Variants in RRP8 observed in about 807,000 individuals in gnomAD.
RRP8 encodes ribosomal RNA processing 8.
Under a neutral mutation model 45.0 loss-of-function variants are expected in RRP8, and 48 were observed. That is an observed-to-expected ratio of 1.07 (90% CI 0.85 to 1.36). The LOEUF (loss-of-function observed/expected upper bound fraction) is 1.36, where lower values mean the gene tolerates loss of function less well. Ranked by LOEUF, RRP8 falls within the 40% of genes most tolerant of loss-of-function variation. The probability of loss-of-function intolerance (pLI) is 0.00; values close to 1 mark genes in which losing one functional copy is unlikely to be tolerated. For missense variants in RRP8, 658 were observed against 573.7 expected (o/e 1.15, Z -1.50); for synonymous variants, 274 against 212.4 (o/e 1.29, Z -2.52).
chr11:6,600,886 G>A, intron 4 of RRP8, 40 bp downstream of exon 4: 1 of 1,613,668 alleles, frequency 6.2e-7, no homozygotes, highest in Non-Finnish European at 8.5e-7. Flanking sequence ...GCATACGGAG[G>A]TTGGCCCTAG....
chr11:6,601,111 C>G (rs1408637035), intron 3 of RRP8, 38 bp downstream of exon 3: 2 of 1,613,822 alleles, frequency 1.2e-6, no homozygotes, highest in Non-Finnish European at 1.7e-6. Context: ...ATGACTGACC[C>G]ACCACATGGC....
intron 1 of RRP8, 127 bp downstream of exon 1, chr11:6,603,277 C>G (rs949570779): frequency 4.6e-6 from 3 of 648,152 alleles, no homozygotes; most frequent in Non-Finnish European, 5.2e-6. Flanking sequence ...GTTCTCGGAT[C>G]TTCAGATCAG....
At position 6,601,074 on chromosome 11, in the gene RRP8, G is replaced by A. The variant is rs369282145; in HGVS notation, c.918-19C>T. The A allele has an allele frequency of 4.1e-5, 66 of 1,614,156 alleles. No individual in the cohort carries two copies. In the African/African-American group the frequency reaches 7.1e-4, roughly 17 times the overall value. On this transcript the variant is annotated intron_variant, in intron 3 of 6. Transcript: ENST00000254605. ...TGCAGGCCTGAGAGTGGAAGGCAAG[G>A]GTCACATATTGGTCTGATCTGAGCC...
rs1186090464 is a variant in RRP8 at position 6,600,576 on chromosome 11, G to C, written c.1161C>G (p.Leu387=). The C allele has an allele frequency of 1.2e-5, 20 of 1,614,062 alleles. No individual in the cohort carries two copies. Among genetic ancestry groups the C allele is most frequent in the Non-Finnish European group, 1.7e-5 (20 of 1,179,954 alleles). The part of the protein sequence containing the change: ...EANRVLKPGG[L]LKVAEVSSRF... ...GGCTGCTGACCTCAGCCACTTTCAG[G>C]AGACCCCTGAGAAAGACAGAAAGTT... Residue 387 remains leucine, a synonymous_variant, in exon 6 of 7, where the codon CTC becomes CTG. Transcript: ENST00000254605.
In RRP8 at chr11:6,599,840, G is replaced by A. The variant is rs1175975400; in HGVS notation, c.*306C>T. Reference sequence around the variant, plus strand: ...CATGTGGCTTCTTAGTTGGAAAGAAGAGCAAAACCTAAAGATGCCTTGAAT... The same window carrying A: ...CATGTGGCTTCTTAGTTGGAAAGAAAAGCAAAACCTAAAGATGCCTTGAAT... On this transcript the variant is annotated 3_prime_UTR_variant, in exon 7 of 7. Transcript: ENST00000254605. 5.6e-6 allele frequency: 1 copy of A among 178,326 alleles called. No individual in the cohort carries two copies. The highest frequency in any genetic ancestry group is 1.2e-5 in the Non-Finnish European group (1 of 85,510). 11.0% of individuals were successfully genotyped at this position (178,326 alleles called of 1,614,324 possible).
At position 6,595,256 on chromosome 11, in the gene RRP8, G is replaced by T. The variant is rs1420249888; in HGVS notation, c.*4890C>A. On this transcript the variant is annotated 3_prime_UTR_variant, in exon 7 of 7. Transcript: ENST00000254605. ...CTTGGCCCAAAAACATATTTAAAATGTTAATACTTTAGATTGGTTTCAGTC... is the reference window on the plus strand; with the variant it reads ...CTTGGCCCAAAAACATATTTAAAATTTTAATACTTTAGATTGGTTTCAGTC... 6.6e-6 allele frequency: 1 copy of T among 151,922 alleles called. No individual in the cohort carries two copies. The allele number at this position is 151,922 out of a possible 1,614,324, so 9.4% of individuals were successfully genotyped here.
intron 1 of RRP8, among the ~76,000 whole-genome samples, 195 bp downstream of exon 1, chr11:6,603,209 C>A (rs1564838550): frequency 6.6e-6 from 1 of 152,230 alleles, no homozygotes; most frequent in Non-Finnish European, 1.5e-5. Flanking sequence ...GAACCCTCTT[C>A]GCTTCACCAA....
In RRP8 at chr11:6,603,561, T is replaced by G. The variant is rs1317663880; in HGVS notation, c.-59A>C. 1.7e-6 allele frequency: 2 copies of G among 1,177,396 alleles called. No homozygotes were observed. The highest frequency in any genetic ancestry group is 2.4e-6 in the Non-Finnish European group (2 of 839,394). The allele number at this position is 1,177,396 out of a possible 1,614,324, so 72.9% of individuals were successfully genotyped here. A position where few individuals can be genotyped will look rare whatever the true frequency, so the allele number is the denominator to read the frequency against. On this transcript the variant is annotated 5_prime_UTR_variant, in exon 1 of 7. Transcript: ENST00000254605. ...CTCTTCTCCACGTGCACAGCGCTCC[T>G]CTGGAAGTCGGAGCGCTCAGACCTG...
In RRP8 at chr11:6,597,889, T is replaced by TAAAA. The variant is rs376667586; in HGVS notation, c.*2253_*2256dup. On this transcript the variant is annotated 3_prime_UTR_variant, in exon 7 of 7. Transcript: ENST00000254605. ...TGGGCCACAGAGCAAGACTCTGTCT[T>TAAAA]AAAAAAAAAAAAAAAAAAAAATTAA... is the stretch of plus-strand genomic sequence containing the variant. 2 of 131,682 alleles carry TAAAA rather than the reference T, an allele frequency of 1.5e-5. No homozygotes were observed. The highest frequency in any genetic ancestry group is 3.3e-5 in the Non-Finnish European group (2 of 60,108). 8.2% of individuals were successfully genotyped at this position (131,682 alleles called of 1,614,324 possible). A position where few individuals can be genotyped will look rare whatever the true frequency, so the allele number is the denominator to read the frequency against.
chr11:6,601,794 C>G, intron 2 of RRP8, 58 bp downstream of exon 2: 1 of 1,520,950 alleles, frequency 6.6e-7, no homozygotes. Flanking sequence ...TATGTAGAAC[C>G]AGCTGACCCC....
At chr11:6,600,390 G>A (rs1854312880) in intron 6 of RRP8, 96 bp downstream of exon 6, 6 of 1,359,556 alleles carry the variant, frequency 4.4e-6, no homozygotes, top group Non-Finnish European at 6.2e-6. Flanking sequence ...GGAGCAAAAT[G>A]TCTGTTCCTG....
chr11:6,601,375 G>T lies in RRP8; in HGVS notation c.691C>A (p.His231Asn). The change falls in exon 3 of 7, where the codon CAT becomes AAT. Residue 231 changes from histidine (H) to asparagine (N), a missense_variant. His to Asn is a moderately conservative substitution (Grantham distance 68). Coordinates refer to ENST00000254605, the MANE Select transcript of RRP8 (RefSeq NM_015324.4). ...EVSPVPRTDSHEARAGALRAR... is the reference protein window; with the variant it reads ...EVSPVPRTDSNEARAGALRAR... Reference sequence around the variant, plus strand: ...CGCAAAGCCCCTGCCCGAGCCTCATGGCTGTCTGTCCTGGGAACAGGAGAC... The same window carrying T: ...CGCAAAGCCCCTGCCCGAGCCTCATTGCTGTCTGTCCTGGGAACAGGAGAC... 1 of 1,614,040 alleles carries T rather than the reference G, an allele frequency of 6.2e-7. No homozygotes were observed. The highest frequency in any genetic ancestry group is 8.5e-7 in the Non-Finnish European group (1 of 1,179,918).
chr11:6,600,360 AG>A (rs1854312001), intron 6 of RRP8, 95 bp from the exon 7 acceptor site: 1 of 1,306,910 alleles, frequency 7.7e-7, no homozygotes, highest in Non-Finnish European at 1.1e-6. Flanking sequence ...AAAGCTTCCC[AG>A]GGCTCCCACT....
At position 6,602,174 on chromosome 11, in the gene RRP8, T is replaced by C; in HGVS notation, c.141A>G (p.Leu47=). The change falls in exon 2 of 7, where the codon CTA becomes CTG. Residue 47 remains leucine, a synonymous_variant. Coordinates refer to ENST00000254605, the MANE Select transcript of RRP8 (RefSeq NM_015324.4). ...RRQLLATLRA[L]EAASLSQHPP... is the part of the protein sequence containing the mutation. ...GATGCTGGGAAAGAGATGCTGCCTC[T>C]AGGGCCCGTAATGTGGCCAAGAGCT... 1.3e-6 allele frequency: 2 copies of C among 1,596,298 alleles called. No individual in the cohort carries two copies. The highest frequency in any genetic ancestry group is 1.7e-6 in the Non-Finnish European group (2 of 1,170,900).
rs374048335 is a variant in RRP8 at position 6,601,123 on chromosome 11, T to C, written c.917+26A>G. ...CCTATGACTGACCCACCACATGGCTTCTCACAGTCCCTGACCCCCATTCAC... is the reference window on the plus strand; with the variant it reads ...CCTATGACTGACCCACCACATGGCTCCTCACAGTCCCTGACCCCCATTCAC... On this transcript the variant is annotated intron_variant, in intron 3 of 6. Transcript: ENST00000254605. The C allele has an allele frequency of 1.8e-5, 29 of 1,613,686 alleles. No homozygotes were observed. In the African/African-American group the frequency reaches 3.6e-4, roughly 20 times the overall value.
At chr11:6,602,280 G>A (rs1268214709) in intron 1 of RRP8, 65 bp from the exon 2 acceptor site, 3 of 1,477,080 alleles carry the variant, frequency 2.0e-6, no homozygotes, top group Admixed American at 2.3e-5. Flanking sequence ...GAACAAGAAG[G>A]GAGAGATGTG....
intron 1 of RRP8, among the ~76,000 whole-genome samples, chr11:6,602,858 T>C (rs1319768698): frequency 6.6e-6 from 1 of 152,198 alleles, no homozygotes; most frequent in East Asian, 1.9e-4. Context: ...GTTGCAGTCC[T>C]ACCAGGTAAT....
Position 6,600,915 on chromosome 11 carries a change from T to C in RRP8, c.1047+11A>G, listed in dbSNP as rs529143405. ...GCCCTAGAGCACAAGCCAGATAACA[T>C]AGGGGTTTACCTGGGCCATGTCACA... On this transcript the variant is annotated intron_variant, in intron 4 of 6. Transcript: ENST00000254605. 93 of 1,613,998 alleles carry C rather than the reference T, an allele frequency of 5.8e-5. No individual in the cohort carries two copies. The highest frequency in any genetic ancestry group is 5.5e-4 in the Admixed American group (33 of 60,012).
chr11:6,598,699 C>G lies in RRP8; in HGVS notation c.*1447G>C, dbSNP rs1854275736. On this transcript the variant is annotated 3_prime_UTR_variant, in exon 7 of 7. Coordinates refer to ENST00000254605, the MANE Select transcript of RRP8 (RefSeq NM_015324.4). Reference sequence around the variant, plus strand: ...AGTGCCTGCCTAATGATTCACAGCCCAGCCTCCAAACATGCCCTCTGGACT... The same window carrying G: ...AGTGCCTGCCTAATGATTCACAGCCGAGCCTCCAAACATGCCCTCTGGACT... 1 of 152,268 alleles carries G rather than the reference C, an allele frequency of 6.6e-6. No individual in the cohort carries two copies. Among genetic ancestry groups the G allele is most frequent in the Admixed American group, 6.5e-5 (1 of 15,284 alleles). The allele number at this position is 152,268 out of a possible 1,614,324, so 9.4% of individuals were successfully genotyped here. A position where few individuals can be genotyped will look rare whatever the true frequency, so the allele number is the denominator to read the frequency against.
Sources: allele counts gnomAD v4.1 joint callset (sites outside exome capture counted in the v4.1 genomes callset), GRCh38; gene constraint gnomAD v4.1.1; transcripts MANE v1.5; gene names NCBI Gene and HGNC (gene_info 2026-07-23, HGNC 2026-07-21).